The following KCNMA1 variants were observed in gnomAD, a reference collection of about 807,000 sequenced individuals.
KCNMA1 encodes the protein Calcium-activated potassium channel subunit alpha-1.
Under a neutral mutation model 140.0 loss-of-function variants are expected in KCNMA1, and 29 were observed. That is an observed-to-expected ratio of 0.21 (90% CI 0.15 to 0.28). The LOEUF is 0.28. Among genes scored for constraint, KCNMA1 ranks in the 10% least tolerant of loss-of-function variants. KCNMA1 has a pLI of 1.00. For synonymous variants in KCNMA1, 612 were observed against 611.9 expected (o/e 1.00, Z 0.00); for missense variants, 880 against 1,602.2 (o/e 0.55, Z 7.70).
chr10:77,598,074 T>A (rs1214006019), intron 1 of KCNMA1, among the ~76,000 whole-genome samples: 2 of 152,100 alleles, frequency 1.3e-5, no homozygotes, highest in African/African-American at 2.4e-5. Flanking sequence ...CAGGTTCAAG[T>A]GATTCTCCTG....
In KCNMA1 at chr10:77,527,284, T is replaced by C. The variant is rs1199931980; in HGVS notation, c.378+109981A>G. On this transcript the variant is annotated intron_variant, in intron 1 of 27. Coordinates refer to ENST00000286628, the MANE Select transcript of KCNMA1 (RefSeq NM_001161352.2). ...CCCCAGAGGGCCTTCTCCCCATCCA[T>C]AGCCAGGCCACCCCCTTCCCCAGGG... 2.6e-5 allele frequency among the ~76,000 whole-genome samples: 4 copies of C among 152,350 alleles called. No homozygotes were observed. The East Asian group carries it at 5.8e-4, about 22-fold the overall frequency.
chr10:77,120,821 C>T (rs960569324), intron 6 of KCNMA1, 152 bp downstream of exon 6: 38 of 649,172 alleles, frequency 5.9e-5, no homozygotes, highest in Middle Eastern at 4.1e-4. Context: ...TCAAACCCTA[C>T]TCTGGTTTTC....
At chr10:77,598,768 C>A (rs1322129734) in intron 1 of KCNMA1, among the ~76,000 whole-genome samples, 4 of 152,198 alleles carry the variant, frequency 2.6e-5, no homozygotes, top group Non-Finnish European at 4.4e-5. Context: ...GCCCCGCATC[C>A]AGTGCAGCAA....
chr10:77,454,521 T>C (rs150524442), intron 1 of KCNMA1, among the ~76,000 whole-genome samples: 38 of 152,346 alleles, frequency 2.5e-4, no homozygotes, highest in South Asian at 8.3e-4. Context: ...TGGCTATCTT[T>C]AGCAGTTTTC....
chr10:76,877,883 T>C, exon 30 of KCNMA1: 30 of 1,609,938 alleles, frequency 1.9e-5, no homozygotes, highest in Non-Finnish European at 2.5e-5. Flanking sequence ...CTGTAAACCA[T>C]TTCTTTTCTG....
At chr10:77,613,119 T>C (rs1486209858) in intron 1 of KCNMA1, among the ~76,000 whole-genome samples, 2 of 152,158 alleles carry the variant, frequency 1.3e-5, no homozygotes, top group Non-Finnish European at 2.9e-5. Context: ...TTAACCTCTA[T>C]GAGTCTCAGC....
At chr10:77,402,254 CAGG>C (rs2096292548) in intron 2 of KCNMA1, among the ~76,000 whole-genome samples, 1 of 152,196 alleles carries the variant, frequency 6.6e-6, no homozygotes, top group African/African-American at 2.4e-5. Flanking sequence ...AGTCAAGAGG[CAGG>C]AGGAGAGATA....
chr10:76,987,706 T>C (rs1334113811), intron 19 of KCNMA1, among the ~76,000 whole-genome samples: 2 of 152,084 alleles, frequency 1.3e-5, no homozygotes, highest in Non-Finnish European at 2.9e-5. Flanking sequence ...GTTCCAGAAA[T>C]GTGTAAAGTA....
chr10:77,555,248 CAT>C (rs1463643522), intron 1 of KCNMA1, among the ~76,000 whole-genome samples: 1 of 152,206 alleles, frequency 6.6e-6, no homozygotes, highest in Non-Finnish European at 1.5e-5. Flanking sequence ...GCCAGGGTGA[CAT>C]GTGACAAAGT....
At chr10:77,022,353 C>T (rs2092954366) in intron 16 of KCNMA1, among the ~76,000 whole-genome samples, 1 of 152,188 alleles carries the variant, frequency 6.6e-6, no homozygotes, top group Non-Finnish European at 1.5e-5. Context: ...CCAACAAGGA[C>T]ATGTTGGCAG....
chr10:77,531,296 A>G (rs375485136), intron 1 of KCNMA1, among the ~76,000 whole-genome samples: 1 of 152,210 alleles, frequency 6.6e-6, no homozygotes, highest in African/African-American at 2.4e-5. Context: ...ATCCTGTCCT[A>G]AGAACTTGAC....
intron 1 of KCNMA1, among the ~76,000 whole-genome samples, chr10:77,599,474 C>T (rs1306400247): frequency 6.6e-6 from 1 of 152,120 alleles, no homozygotes; most frequent in African/African-American, 2.4e-5. Context: ...ATTGCGCTGG[C>T]TCTGACCTAG....
intron 10 of KCNMA1, 95 bp from the exon 11 acceptor site, chr10:77,086,688 TG>T: frequency 2.3e-6 from 2 of 854,280 alleles, no homozygotes; most frequent in South Asian, 2.8e-5. Flanking sequence ...CAGGGAGCCC[TG>T]GGGAGAGGCT....
At chr10:77,428,204 G>A (rs1003111315) in intron 1 of KCNMA1, among the ~76,000 whole-genome samples, 1 of 152,180 alleles carries the variant, frequency 6.6e-6, no homozygotes, top group Non-Finnish European at 1.5e-5. Flanking sequence ...ACAAAACCAG[G>A]AGGTCCCAAT....
intron 1 of KCNMA1, among the ~76,000 whole-genome samples, chr10:77,535,833 A>G (rs1009972713): frequency 1.3e-5 from 2 of 152,234 alleles, no homozygotes; most frequent in Non-Finnish European, 2.9e-5. Flanking sequence ...GTGGAAGCTA[A>G]AAAACTATCT....
intron 20 of KCNMA1, among the ~76,000 whole-genome samples, chr10:76,967,124 A>G (rs1004082398): frequency 1.3e-4 from 20 of 152,136 alleles, no homozygotes; most frequent in African/African-American, 4.6e-4. Context: ...ACAGTGGTAA[A>G]TTACAGCCCA....
At chr10:77,067,835 G>A (rs1277298033) in intron 14 of KCNMA1, among the ~76,000 whole-genome samples, 1 of 152,214 alleles carries the variant, frequency 6.6e-6, no homozygotes, top group Non-Finnish European at 1.5e-5. Context: ...CAGAACAGAA[G>A]CTTTCTGAAG....
chr10:77,075,015 T>C (rs893365535), intron 13 of KCNMA1, among the ~76,000 whole-genome samples: 8 of 152,230 alleles, frequency 5.3e-5, no homozygotes, highest in African/African-American at 1.7e-4. Context: ...TCAAAAATAC[T>C]ATTCTTATGA....
intron 1 of KCNMA1, among the ~76,000 whole-genome samples, chr10:77,551,245 G>A (rs1019608170): frequency 1.3e-5 from 2 of 152,250 alleles, no homozygotes; most frequent in East Asian, 1.9e-4. Flanking sequence ...GCTCTTATAT[G>A]TACAGGGGAA....
Sources: allele counts gnomAD v4.1 joint callset (sites outside exome capture counted in the v4.1 genomes callset), GRCh38; gene constraint gnomAD v4.1.1; transcripts MANE v1.5; gene names NCBI Gene and HGNC (gene_info 2026-07-23, HGNC 2026-07-21).